Variants in PRRX1 observed in about 807,000 individuals in gnomAD.
The protein encoded by PRRX1 is paired related homeobox 1.
Under a neutral mutation model 24.0 loss-of-function variants are expected in PRRX1, and 8 were observed. The ratio of observed to expected loss-of-function variants is 0.33; its 90% CI spans 0.20 to 0.60. PRRX1 has a LOEUF of 0.60. Among genes scored for constraint, PRRX1 ranks in the 20% least tolerant of loss-of-function variants. PRRX1 has a pLI of 0.82. For missense variants in PRRX1, 281 were observed against 322.4 expected, an observed-to-expected ratio of 0.87 and a Z score of 0.98; for synonymous variants, 160 against 131.7, an observed-to-expected ratio of 1.22 and a Z score of -1.47.
intron 1 of PRRX1, among the ~76,000 whole-genome samples, chr1:170,696,755 A>G (rs1221832201): frequency 6.6e-6 from 1 of 152,186 alleles, no homozygotes; most frequent in East Asian, 1.9e-4. Context: ...CTCTTAGAGG[A>G]AGGAAACAGT....
chr1:170,696,295 G>A (rs1161280948), intron 1 of PRRX1, among the ~76,000 whole-genome samples: 1 of 152,146 alleles, frequency 6.6e-6, no homozygotes, highest in Non-Finnish European at 1.5e-5. Context: ...GCAGAGATAT[G>A]TCTATATTAG....
At chr1:170,669,869 A>C (rs1334432132) in intron 1 of PRRX1, among the ~76,000 whole-genome samples, 1 of 152,212 alleles carries the variant, frequency 6.6e-6, no homozygotes, top group South Asian at 2.1e-4. Flanking sequence ...ACGAGGAACA[A>C]CTTTTTGAAA....
At chr1:170,683,293 G>A (rs12066968) in intron 1 of PRRX1, among the ~76,000 whole-genome samples, 1 of 152,160 alleles carries the variant, frequency 6.6e-6, no homozygotes, top group Non-Finnish European at 1.5e-5. Context: ...TATGGGTGAG[G>A]ATAGAGCAGC....
chr1:170,666,186 C>T (rs544691551), intron 1 of PRRX1, among the ~76,000 whole-genome samples: 2 of 151,968 alleles, frequency 1.3e-5, no homozygotes, highest in African/African-American at 4.8e-5. Flanking sequence ...TTTGGGAGGC[C>T]GAGGCGGGCA....
At chr1:170,666,240 G>A (rs2101880642) in intron 1 of PRRX1, among the ~76,000 whole-genome samples, 1 of 152,012 alleles carries the variant, frequency 6.6e-6, no homozygotes, top group East Asian at 1.9e-4. Context: ...CCAACGTGGT[G>A]AAACCCCTCT....
chr1:170,720,138 C>T lies in PRRX1; in HGVS notation c.417+237C>T, dbSNP rs141644715. On this transcript the variant is annotated intron_variant, in intron 2 of 3. Transcript: ENST00000239461. The stretch of plus-strand genomic sequence containing the variant: ...CAAAATAAATAAATAAACAGCCAGG[C>T]ATGATGCTGCGTGCCTGTGGTCCCA... Among the ~76,000 whole-genome samples the T allele has an allele frequency of 3.3e-5, 5 of 152,178 alleles. No homozygotes were observed. The East Asian group carries it at 9.7e-4, about 29-fold the overall frequency.
chr1:170,685,176 C>T lies in PRRX1; in HGVS notation c.241+20717C>T, dbSNP rs138662923. Among the ~76,000 whole-genome samples, 27 of 152,294 alleles carry T rather than the reference C, an allele frequency of 1.8e-4. No individual in the cohort carries two copies. The East Asian group carries it at 5.0e-3, about 28-fold the overall frequency. Reference sequence around the variant, plus strand: ...GGTTTATCTCTTCTTTGAGCTTTCACTAATGTCTTTATTAATGATCTGAAA... The same window carrying T: ...GGTTTATCTCTTCTTTGAGCTTTCATTAATGTCTTTATTAATGATCTGAAA... On this transcript the variant is annotated intron_variant, in intron 1 of 3. Transcript: ENST00000239461.
chr1:170,709,688 T>C (rs1371057199), intron 1 of PRRX1, among the ~76,000 whole-genome samples: 1 of 152,204 alleles, frequency 6.6e-6, no homozygotes, highest in Non-Finnish European at 1.5e-5. Context: ...CATTTCTCTC[T>C]ACTCAGAGCA....
At chr1:170,698,847 G>C (rs1654259392) in intron 1 of PRRX1, among the ~76,000 whole-genome samples, 1 of 152,110 alleles carries the variant, frequency 6.6e-6, no homozygotes, top group African/African-American at 2.4e-5. Flanking sequence ...CCTGAGAGGG[G>C]AGGAGGGTGG....
At chr1:170,720,235 GCCAGTGCACC>G (rs1474300528) in intron 2 of PRRX1, among the ~76,000 whole-genome samples, 1 of 152,060 alleles carries the variant, frequency 6.6e-6, no homozygotes, top group Non-Finnish European at 1.5e-5. Flanking sequence ...CTGAGATCAC[GCCAGTGCACC>G]CCAGCCTGGG....
intron 1 of PRRX1, among the ~76,000 whole-genome samples, chr1:170,709,297 T>C (rs1028332261): frequency 2.0e-5 from 3 of 152,030 alleles, no homozygotes; most frequent in Non-Finnish European, 4.4e-5. Context: ...AGTTAGTAGG[T>C]ATGGGTAAGG....
At chr1:170,706,966 CA>C (rs542787603) in intron 1 of PRRX1, among the ~76,000 whole-genome samples, 2 of 150,804 alleles carry the variant, frequency 1.3e-5, no homozygotes, top group Admixed American at 6.6e-5. Flanking sequence ...CCAAACCTAG[CA>C]AAAAAAAGAC....
At position 170,736,202 on chromosome 1, in the gene PRRX1, A is replaced by G. The variant is rs1655597510; in HGVS notation, c.*16A>G. 6.2e-7 allele frequency: 1 copy of G among 1,613,794 alleles called. No homozygotes were observed. The highest frequency in any genetic ancestry group is 1.3e-5 in the African/African-American group (1 of 74,890). The stretch of plus-strand genomic sequence containing the variant: ...AGTCAACTGAGGAAAAAAAATAATT[A>G]AACAGGCCTAAGAAGAAATCAAAAA... On this transcript the variant is annotated 3_prime_UTR_variant, in exon 4 of 4. Transcript: ENST00000239461.
At chr1:170,670,814 A>T (rs1396981156) in intron 1 of PRRX1, among the ~76,000 whole-genome samples, 1 of 152,168 alleles carries the variant, frequency 6.6e-6, no homozygotes, top group Non-Finnish European at 1.5e-5. Context: ...TGTCAGAATA[A>T]ATCAATCAGA....
intron 1 of PRRX1, among the ~76,000 whole-genome samples, chr1:170,685,634 G>A (rs907435078): frequency 6.7e-6 from 1 of 149,508 alleles, no homozygotes; most frequent in African/African-American, 2.5e-5. Context: ...AATGAAAACG[G>A]TAATGCCTGC....
chr1:170,709,353 T>C (rs1261462802), intron 1 of PRRX1, among the ~76,000 whole-genome samples: 7 of 152,120 alleles, frequency 4.6e-5, no homozygotes, highest in Non-Finnish European at 8.8e-5. Flanking sequence ...CAGAGAAAAG[T>C]ATAAATGAAA....
chr1:170,731,367 C>T (rs921377876), intron 3 of PRRX1, among the ~76,000 whole-genome samples: 2 of 152,120 alleles, frequency 1.3e-5, no homozygotes, highest in African/African-American at 2.4e-5. Flanking sequence ...ATAGACTTCT[C>T]GGCTGACAGA....
rs556252548 is a variant in PRRX1, at chr1:170,716,665, G to A, written c.242-3061G>A. Among the ~76,000 whole-genome samples, 44 of 152,034 alleles carry A rather than the reference G, an allele frequency of 2.9e-4. No individual in the cohort carries two copies. The South Asian group carries it at 9.0e-3, about 31-fold the overall frequency. Reference sequence around the variant, plus strand: ...ATCCTTCCCATTTTAGAATGCCAAAGAATGAGATGCATTCTAATATCCAGT... The same window carrying A: ...ATCCTTCCCATTTTAGAATGCCAAAAAATGAGATGCATTCTAATATCCAGT... On this transcript the variant is annotated intron_variant, in intron 1 of 3. Transcript: ENST00000239461.
At chr1:170,682,663 C>T (rs1288953740) in intron 1 of PRRX1, among the ~76,000 whole-genome samples, 2 of 151,928 alleles carry the variant, frequency 1.3e-5, no homozygotes, top group Non-Finnish European at 2.9e-5. Flanking sequence ...TACTATGTGC[C>T]AGTCATTATG....
Sources: gnomAD v4.1 joint callset for allele counts (sites outside exome capture counted in the v4.1 genomes callset) on GRCh38, gnomAD v4.1.1 for gene constraint, MANE v1.5 for transcripts, NCBI Gene and HGNC (gene_info 2026-07-23, HGNC 2026-07-21) for gene names.